Variants in GABRG3 observed in about 807,000 individuals in gnomAD.
GABRG3 encodes gamma-aminobutyric acid type A receptor subunit gamma3, also known as gamma-aminobutyric acid receptor subunit gamma-3.
Under a neutral mutation model 48.8 loss-of-function variants are expected in GABRG3, and 25 were observed. That is an observed-to-expected ratio of 0.51 (90% CI 0.37 to 0.72). The LOEUF (loss-of-function observed/expected upper bound fraction) is 0.72. Among genes scored for constraint, GABRG3 ranks in the 30% least tolerant of loss-of-function variants. GABRG3 has a pLI of 0.00. For missense variants in GABRG3, 394 were observed against 577.9 expected (o/e 0.68, Z 3.26); for synonymous variants, 227 against 217.6 (o/e 1.04, Z -0.38).
At chr15:27,101,519 G>A (rs1897356558) in intron 3 of GABRG3, among the ~76,000 whole-genome samples, 1 of 152,168 alleles carries the variant, frequency 6.6e-6, no homozygotes. Flanking sequence ...GGAGGAATTA[G>A]TCTGCCTGAT....
chr15:27,284,049 G>C (rs1186848547), intron 3 of GABRG3, among the ~76,000 whole-genome samples: 1 of 152,046 alleles, frequency 6.6e-6, no homozygotes, highest in Non-Finnish European at 1.5e-5. Flanking sequence ...GGTGCAAGGG[G>C]GGAGGCAGAG....
intron 3 of GABRG3, among the ~76,000 whole-genome samples, chr15:27,216,740 T>TGTTTTA (rs1889260065): frequency 7.9e-6 from 1 of 127,184 alleles, no homozygotes; most frequent in African/African-American, 3.2e-5. Context: ...TTTCTTTTTT[T>TGTTTTA]TTTTTTATTT....
At chr15:27,280,780 G>A (rs967701602) in intron 3 of GABRG3, among the ~76,000 whole-genome samples, 15 of 152,116 alleles carry the variant, frequency 9.9e-5, no homozygotes, top group African/African-American at 3.6e-4. Flanking sequence ...TTTGATGACT[G>A]CAAGAAAATA....
At chr15:27,469,851 T>C (rs1283572078) in intron 5 of GABRG3, among the ~76,000 whole-genome samples, 2 of 152,214 alleles carry the variant, frequency 1.3e-5, no homozygotes, top group African/African-American at 2.4e-5. Flanking sequence ...GATAAGAACA[T>C]ATCATAGGCA....
intron 5 of GABRG3, among the ~76,000 whole-genome samples, chr15:27,460,517 G>C (rs1449196794): frequency 6.6e-6 from 1 of 152,172 alleles, no homozygotes; most frequent in Non-Finnish European, 1.5e-5. Context: ...TTAAAGGCAG[G>C]GGTAAATTTC....
intron 5 of GABRG3, among the ~76,000 whole-genome samples, chr15:27,330,545 T>A (rs1263373059): frequency 6.6e-6 from 1 of 152,222 alleles, no homozygotes; most frequent in East Asian, 1.9e-4. Flanking sequence ...ACTGTAAAAA[T>A]GTGTTTAAAT....
At chr15:27,506,484 G>A (rs1489589474) in intron 6 of GABRG3, among the ~76,000 whole-genome samples, 3 of 152,298 alleles carry the variant, frequency 2.0e-5, no homozygotes, top group Non-Finnish European at 4.4e-5. Context: ...AACAGACAGT[G>A]GAGAAACAAG....
rs1026487468 is a variant in GABRG3, at chr15:27,253,026, G to A, written c.271-73783G>A. Among the ~76,000 whole-genome samples the A allele has an allele frequency of 7.9e-5, 12 of 152,296 alleles. No individual in the cohort carries two copies. The East Asian group carries it at 9.7e-4, about 12-fold the overall frequency. Reference sequence around the variant, plus strand: ...CAGATGGTTTTGAGGTCACTGCTCCGGGCTGCGCCTTGCACGTTTAGACAC... The same window carrying A: ...CAGATGGTTTTGAGGTCACTGCTCCAGGCTGCGCCTTGCACGTTTAGACAC... On this transcript the variant is annotated intron_variant, in intron 3 of 9. Transcript: ENST00000615808.
intron 6 of GABRG3, among the ~76,000 whole-genome samples, chr15:27,508,667 A>G (rs997125801): frequency 6.6e-6 from 1 of 152,016 alleles, no homozygotes; most frequent in African/African-American, 2.4e-5. Context: ...TCTTCTGCCA[A>G]TGAATTCCCT....
intron 2 of GABRG3, among the ~76,000 whole-genome samples, chr15:26,993,155 C>G (rs1465273010): frequency 6.6e-6 from 1 of 151,916 alleles, no homozygotes; most frequent in African/African-American, 2.4e-5. Context: ...TTCAAAAAAA[C>G]CAACTTTTTG....
rs1566769538 is a variant in GABRG3, at chr15:27,306,974, T to TAGA, written c.271-19834_271-19833insGAA. Among the ~76,000 whole-genome samples the TAGA allele has an allele frequency of 4.7e-4, 21 of 44,742 alleles. 1 individual carries two copies. Among genetic ancestry groups the TAGA allele is most frequent in the Non-Finnish European group, 6.9e-4 (10 of 14,574 alleles). 29.4% of individuals were successfully genotyped at this position (44,742 alleles called of 152,430 possible). On this transcript the variant is annotated intron_variant, in intron 3 of 9. Coordinates refer to ENST00000615808, the MANE Select transcript of GABRG3 (RefSeq NM_033223.5). ...ATATAAACATGTTTATATATAAACA[T>TAGA]ATATAATATAAACATGTTTATATAT...
chr15:27,445,397 A>C (rs190534887), intron 5 of GABRG3, among the ~76,000 whole-genome samples: 42 of 152,118 alleles, frequency 2.8e-4, no homozygotes, highest in Admixed American at 2.8e-3. Context: ...AAGTGGCATC[A>C]CTTTGTGGTT....
At chr15:27,422,759 A>T (rs979056923) in intron 5 of GABRG3, among the ~76,000 whole-genome samples, 4 of 152,216 alleles carry the variant, frequency 2.6e-5, no homozygotes, top group African/African-American at 9.6e-5. Flanking sequence ...TTTAAAGAGA[A>T]GACTGCAGGG....
At chr15:26,982,505 A>G (rs761927321) in intron 2 of GABRG3, among the ~76,000 whole-genome samples, 7 of 152,244 alleles carry the variant, frequency 4.6e-5, no homozygotes, top group Non-Finnish European at 8.8e-5. Flanking sequence ...AACTCAAGGC[A>G]AGCCTATTCA....
intron 5 of GABRG3, among the ~76,000 whole-genome samples, chr15:27,376,773 G>C (rs558542463): frequency 3.3e-5 from 5 of 152,106 alleles, no homozygotes. Context: ...ATCATGGGAG[G>C]GGCTGTTTCA....
At chr15:27,003,763 C>T (rs1288184790) in intron 2 of GABRG3, among the ~76,000 whole-genome samples, 1 of 151,978 alleles carries the variant, frequency 6.6e-6, no homozygotes, top group African/African-American at 2.4e-5. Flanking sequence ...GGGTGGTGGC[C>T]TGGCAGAGGG....
chr15:27,323,439 C>T (rs1303259322), intron 3 of GABRG3, among the ~76,000 whole-genome samples: 1 of 152,164 alleles, frequency 6.6e-6, no homozygotes, highest in Admixed American at 6.5e-5. Flanking sequence ...TTCCTCAATC[C>T]AGTAAACCAG....
intron 6 of GABRG3, among the ~76,000 whole-genome samples, chr15:27,504,040 C>T (rs1890705262): frequency 6.6e-6 from 1 of 152,018 alleles, no homozygotes; most frequent in South Asian, 2.1e-4. Flanking sequence ...AATCCTTTTA[C>T]TTTTAATCTA....
chr15:27,438,639 C>T (rs2140629970), intron 5 of GABRG3, among the ~76,000 whole-genome samples: 1 of 152,336 alleles, frequency 6.6e-6, no homozygotes, highest in Middle Eastern at 3.4e-3. Context: ...GGGAGCCCGC[C>T]TCCTGCTCCT....
Sources: allele counts gnomAD v4.1 joint callset (sites outside exome capture counted in the v4.1 genomes callset), GRCh38; gene constraint gnomAD v4.1.1; transcripts MANE v1.5; gene names NCBI Gene and HGNC (gene_info 2026-07-23, HGNC 2026-07-21).